Variants in CYP7B1 observed in about 807,000 individuals in gnomAD.
The protein encoded by CYP7B1 is cytochrome P450 7B1.
A neutral mutation model predicts 42.7 loss-of-function variants in CYP7B1; 29 were observed. The ratio of observed to expected loss-of-function variants is 0.68; its 90% CI spans 0.51 to 0.93. The LOEUF is 0.93. Ranked by LOEUF, CYP7B1 falls within the 40% of genes least tolerant of loss-of-function variation. The probability of loss-of-function intolerance (pLI) is 0.00; values close to 1 mark genes in which losing one functional copy is unlikely to be tolerated. For synonymous variants in CYP7B1, 235 were observed against 218.2 expected (o/e 1.08, Z -0.68); for missense variants, 655 against 600.5 (o/e 1.09, Z -0.95).
At chr8:64,724,322 T>G (rs1050348773) in intron 1 of CYP7B1, among the ~76,000 whole-genome samples, 1 of 152,028 alleles carries the variant, frequency 6.6e-6, no homozygotes, top group Non-Finnish European at 1.5e-5. Flanking sequence ...AATTTTTGTA[T>G]TTTTAGTACA....
At chr8:64,678,456 T>C (rs949867133) in intron 1 of CYP7B1, among the ~76,000 whole-genome samples, 1 of 152,068 alleles carries the variant, frequency 6.6e-6, no homozygotes, top group Non-Finnish European at 1.5e-5. Flanking sequence ...CCTAGTCTGA[T>C]AAAAAACCTC....
At chr8:64,715,631 T>G (rs1224688536) in intron 1 of CYP7B1, among the ~76,000 whole-genome samples, 1 of 152,184 alleles carries the variant, frequency 6.6e-6, no homozygotes, top group Non-Finnish European at 1.5e-5. Flanking sequence ...AATATCACTT[T>G]GATTTTAGCA....
chr8:64,623,199 A>G (rs926966967), intron 2 of CYP7B1, among the ~76,000 whole-genome samples: 1 of 152,166 alleles, frequency 6.6e-6, no homozygotes, highest in African/African-American at 2.4e-5. Flanking sequence ...TCCTTCCAGG[A>G]AGAGGTGGAG....
At position 64,596,929 on chromosome 8, in the gene CYP7B1, C is replaced by T. The variant is rs116462183; in HGVS notation, c.1234G>A (p.Glu412Lys). 7.5e-5 allele frequency: 120 copies of T among 1,604,498 alleles called. No homozygotes were observed. The highest frequency in any genetic ancestry group is 1.0e-4 in the Non-Finnish European group (117 of 1,173,622). Residue 412 changes from glutamate (E) to lysine (K), a missense_variant and splice_region_variant, in exon 6 of 6, where the codon GAG (glutamate) becomes AAG (lysine). Coordinates refer to ENST00000310193, the MANE Select transcript of CYP7B1 (RefSeq NM_004820.5). Reference sequence around the variant, plus strand: ...TCTATAAAACGATCATATCTAAACTCCTGTAAGGAAGAATAGTGTTAAAAT... The same window carrying T: ...TCTATAAAACGATCATATCTAAACTTCTGTAAGGAAGAATAGTGTTAAAAT... ...GDPEIFEAPE[E>K]FRYDRFIEDG...
At chr8:64,709,544 CAG>C (rs1807049901) in intron 1 of CYP7B1, among the ~76,000 whole-genome samples, 1 of 152,130 alleles carries the variant, frequency 6.6e-6, no homozygotes, top group Non-Finnish European at 1.5e-5. Context: ...ATTAAAAAGT[CAG>C]AATCCTGGGA....
rs1369943123 is a variant in CYP7B1 at position 64,645,154 on chromosome 8, C to T, written c.123-20615G>A. ...ATGTGCCACATTTTCTTAATCCAGT[C>T]TATCATTGTTGGACATTTGGGTTGG... On this transcript the variant is annotated intron_variant, in intron 1 of 5. Coordinates refer to ENST00000310193, the MANE Select transcript of CYP7B1 (RefSeq NM_004820.5). Among the ~76,000 whole-genome samples the T allele has an allele frequency of 2.0e-5, 3 of 150,848 alleles. No individual in the cohort carries two copies. The Admixed American group carries it at 2.0e-4, about 10-fold the overall frequency.
At chr8:64,667,536 A>G (rs1806300138) in intron 1 of CYP7B1, among the ~76,000 whole-genome samples, 1 of 152,182 alleles carries the variant, frequency 6.6e-6, no homozygotes, top group African/African-American at 2.4e-5. Context: ...CTTAAAACAG[A>G]TAAGGAAGAT....
At chr8:64,696,694 G>A (rs892187962) in intron 1 of CYP7B1, among the ~76,000 whole-genome samples, 1 of 152,078 alleles carries the variant, frequency 6.6e-6, no homozygotes, top group Non-Finnish European at 1.5e-5. Context: ...ATTTCCATAC[G>A]AAATAGTCCC....
chr8:64,726,959 TC>T (rs954445306), intron 1 of CYP7B1, among the ~76,000 whole-genome samples: 1 of 152,100 alleles, frequency 6.6e-6, no homozygotes, highest in African/African-American at 2.4e-5. Context: ...GGGCCTATGA[TC>T]CTTTGCACAC....
At chr8:64,715,016 C>T (rs1807134519) in intron 1 of CYP7B1, among the ~76,000 whole-genome samples, 1 of 152,094 alleles carries the variant, frequency 6.6e-6, no homozygotes, top group African/African-American at 2.4e-5. Context: ...CTGTAAATGG[C>T]CTGAGACCCT....
At chr8:64,789,075 C>A (rs952001519) in intron 1 of CYP7B1, among the ~76,000 whole-genome samples, 12 of 152,066 alleles carry the variant, frequency 7.9e-5, no homozygotes, top group African/African-American at 2.9e-4. Flanking sequence ...CACGCACCAT[C>A]ATGCCCAGCT....
chr8:64,755,325 T>C (rs1312221901), intron 1 of CYP7B1, among the ~76,000 whole-genome samples: 1 of 152,226 alleles, frequency 6.6e-6, no homozygotes, highest in East Asian at 1.9e-4. Context: ...AGCACTTCAC[T>C]TTCCTCAGTC....
At chr8:64,722,750 G>GC (rs1554535544) in intron 1 of CYP7B1, among the ~76,000 whole-genome samples, 11 of 102,194 alleles carry the variant, frequency 1.1e-4, no homozygotes, top group Non-Finnish European at 1.9e-4. Flanking sequence ...CGGCGGGGGG[G>GC]GGGGGGCGGG....
chr8:64,687,799 A>G (rs1161678735), intron 1 of CYP7B1, among the ~76,000 whole-genome samples: 1 of 152,208 alleles, frequency 6.6e-6, no homozygotes, highest in Non-Finnish European at 1.5e-5. Flanking sequence ...TATAGCTGGG[A>G]AAACAGCTCC....
At chr8:64,733,465 C>T (rs1422066482) in intron 1 of CYP7B1, among the ~76,000 whole-genome samples, 2 of 152,174 alleles carry the variant, frequency 1.3e-5, no homozygotes, top group Non-Finnish European at 2.9e-5. Flanking sequence ...CTCCTATCTC[C>T]TCACAACTGC....
chr8:64,672,803 A>C (rs1367122435), intron 1 of CYP7B1, among the ~76,000 whole-genome samples: 1 of 152,124 alleles, frequency 6.6e-6, no homozygotes, highest in African/African-American at 2.4e-5. Flanking sequence ...TGAATGTAAT[A>C]AGTATGTTAA....
chr8:64,623,227 G>C (rs796193041), intron 2 of CYP7B1, among the ~76,000 whole-genome samples: 4 of 152,308 alleles, frequency 2.6e-5, no homozygotes, highest in African/African-American at 9.6e-5. Flanking sequence ...CCCTGCCCTT[G>C]ATTCTGGACT....
At position 64,624,951 on chromosome 8, in the gene CYP7B1, C is replaced by CTTTTTTTTTT. The variant is rs71260892; in HGVS notation, c.123-422_123-413dup. 8.9e-4 allele frequency among the ~76,000 whole-genome samples: 48 copies of CTTTTTTTTTT among 54,064 alleles called. 15 individuals are homozygous for CTTTTTTTTTT. The highest frequency in any genetic ancestry group is 4.1e-3 in the African/African-American group (40 of 9,662). The allele number at this position is 54,064 out of a possible 152,430, so 35.5% of individuals were successfully genotyped here. On this transcript the variant is annotated intron_variant, in intron 1 of 5. Coordinates refer to ENST00000310193, the MANE Select transcript of CYP7B1 (RefSeq NM_004820.5). ...AGTCCCCAAAGTCCATTATATCATT[C>CTTTTTTTTTT]TTTTTTTTTTTTTTTTTTTTTTTTT... is the stretch of plus-strand genomic sequence containing the variant.
intron 1 of CYP7B1, among the ~76,000 whole-genome samples, chr8:64,725,080 G>A (rs1295992909): frequency 6.6e-6 from 1 of 152,100 alleles, no homozygotes; most frequent in Non-Finnish European, 1.5e-5. Context: ...GCCTTGTTGG[G>A]TTTCCCCATC....
Sources: allele counts gnomAD v4.1 joint callset (sites outside exome capture counted in the v4.1 genomes callset), GRCh38; gene constraint gnomAD v4.1.1; transcripts MANE v1.5; gene names NCBI Gene and HGNC (gene_info 2026-07-23, HGNC 2026-07-21).